Variants in NKAIN3 observed in about 807,000 individuals in gnomAD.
NKAIN3 encodes sodium/potassium-transporting ATPase subunit beta-1-interacting protein 3.
Under a neutral mutation model 30.2 loss-of-function variants are expected in NKAIN3, and 25 were observed. That is an observed-to-expected ratio of 0.83 (90% CI 0.60 to 1.16). The LOEUF (loss-of-function observed/expected upper bound fraction) is 1.16. NKAIN3 is among the 50% of genes most tolerant of loss of function. The probability of loss-of-function intolerance (pLI) is 0.00; values close to 1 mark genes in which losing one functional copy is unlikely to be tolerated. For synonymous variants in NKAIN3, 91 were observed against 89.6 expected (o/e 1.02, Z -0.09); for missense variants, 225 against 254.1 (o/e 0.89, Z 0.78).
intron 4 of NKAIN3, among the ~76,000 whole-genome samples, chr8:62,789,890 G>A (rs201067758): frequency 4.6e-5 from 7 of 152,042 alleles, no homozygotes; most frequent in East Asian, 1.9e-4. Context: ...GGTATAAGGA[G>A]GAACTGGTAC....
chr8:62,512,846 T>C (rs1221525628), intron 1 of NKAIN3, among the ~76,000 whole-genome samples: 1 of 152,158 alleles, frequency 6.6e-6, no homozygotes, highest in African/African-American at 2.4e-5. Flanking sequence ...GGAAATCTTT[T>C]ATTTATCATG....
chr8:62,318,218 C>A (rs1378826035), intron 1 of NKAIN3, among the ~76,000 whole-genome samples: 1 of 152,164 alleles, frequency 6.6e-6, no homozygotes, highest in Non-Finnish European at 1.5e-5. Flanking sequence ...ATCATGTCAT[C>A]TGCAAACAGG....
At chr8:62,816,179 C>A (rs1293732771) in intron 4 of NKAIN3, among the ~76,000 whole-genome samples, 1 of 152,160 alleles carries the variant, frequency 6.6e-6, no homozygotes, top group African/African-American at 2.4e-5. Context: ...GTAACTTTCT[C>A]AGGAAATACT....
chr8:62,803,205 T>A (rs1444939763), intron 4 of NKAIN3, among the ~76,000 whole-genome samples: 13 of 151,992 alleles, frequency 8.6e-5, no homozygotes, highest in African/African-American at 2.4e-5. Flanking sequence ...GACAGATCAA[T>A]GAGACAGAAA....
intron 3 of NKAIN3, among the ~76,000 whole-genome samples, chr8:62,642,789 C>T (rs562569807): frequency 1.3e-5 from 2 of 152,206 alleles, no homozygotes; most frequent in Non-Finnish European, 2.9e-5. Context: ...TTTATGTAGG[C>T]AGATTCCTCC....
chr8:62,582,027 C>T (rs71513483), intron 2 of NKAIN3, among the ~76,000 whole-genome samples: 19,943 of 40,250 alleles, frequency 0.5, 7,345 homozygotes, highest in Non-Finnish European at 0.68. Context: ...TTTCCTTCCT[C>T]CCTCCCACCC....
At chr8:62,580,056 A>G (rs969612883) in intron 2 of NKAIN3, among the ~76,000 whole-genome samples, 1 of 152,238 alleles carries the variant, frequency 6.6e-6, no homozygotes, top group Non-Finnish European at 1.5e-5. Context: ...GACATTTGTC[A>G]CTAACTCCAA....
chr8:62,883,796 C>T (rs1023440653), intron 4 of NKAIN3, among the ~76,000 whole-genome samples: 1 of 151,786 alleles, frequency 6.6e-6, no homozygotes, highest in Non-Finnish European at 1.5e-5. Context: ...TTAAATTGCT[C>T]TTCTTTTTCT....
chr8:62,715,000 C>T (rs1814848594), intron 3 of NKAIN3, among the ~76,000 whole-genome samples: 1 of 152,098 alleles, frequency 6.6e-6, no homozygotes, highest in African/African-American at 2.4e-5. Context: ...GCAGGCTGTA[C>T]AGATAGCATG....
chr8:62,289,939 C>G (rs1049889375), intron 1 of NKAIN3, among the ~76,000 whole-genome samples: 2 of 152,074 alleles, frequency 1.3e-5, no homozygotes, highest in African/African-American at 4.8e-5. Context: ...TTATAGTTCC[C>G]CTTGAAGAGG....
At chr8:62,497,168 G>A (rs1807268318) in intron 1 of NKAIN3, among the ~76,000 whole-genome samples, 1 of 151,844 alleles carries the variant, frequency 6.6e-6, no homozygotes, top group Non-Finnish European at 1.5e-5. Context: ...AATTTAAAAA[G>A]TATTTGATAT....
Position 62,630,750 on chromosome 8 carries a change from T to C in NKAIN3, c.273+40956T>C, listed in dbSNP as rs562123172. Among the ~76,000 whole-genome samples, 3 of 152,166 alleles carry C rather than the reference T, an allele frequency of 2.0e-5. No homozygotes were observed. The South Asian group carries it at 6.2e-4, about 32-fold the overall frequency. On this transcript the variant is annotated intron_variant, in intron 3 of 6. Coordinates refer to ENST00000623646, the MANE Select transcript of NKAIN3 (RefSeq NM_001304533.3). Reference sequence around the variant, plus strand: ...AGTTGTGAACTTCCTCAGCTTACCTTCTCTTTCTGAAAGCACTCCCTCTGT... The same window carrying C: ...AGTTGTGAACTTCCTCAGCTTACCTCCTCTTTCTGAAAGCACTCCCTCTGT...
At chr8:62,518,780 A>G (rs935312698) in intron 1 of NKAIN3, among the ~76,000 whole-genome samples, 3 of 152,194 alleles carry the variant, frequency 2.0e-5, no homozygotes, top group Admixed American at 6.5e-5. Flanking sequence ...TGAGGTGTTC[A>G]CAAATAATCT....
At position 62,505,322 on chromosome 8, in the gene NKAIN3, G is replaced by T. The variant is rs192660924; in HGVS notation, c.55-74217G>T. 2.0e-5 allele frequency among the ~76,000 whole-genome samples: 3 copies of T among 152,110 alleles called. No homozygotes were observed. The East Asian group carries it at 5.8e-4, about 29-fold the overall frequency. ...ACAAGACTGTTCTGGCTCCTACTCA[G>T]AAAAAAATTATGGGAAAATGTTATA... On this transcript the variant is annotated intron_variant, in intron 1 of 6. Transcript: ENST00000623646.
At chr8:62,363,833 A>G (rs951090995) in intron 1 of NKAIN3, among the ~76,000 whole-genome samples, 23 of 130,718 alleles carry the variant, frequency 1.8e-4, no homozygotes, top group African/African-American at 7.1e-4. Context: ...GACTAGCTCT[A>G]TTTGAAAGAA....
chr8:62,948,228 C>G (rs1280301968), intron 5 of NKAIN3, among the ~76,000 whole-genome samples: 1 of 151,268 alleles, frequency 6.6e-6, no homozygotes, highest in Non-Finnish European at 1.5e-5. Context: ...GACAGAGTCT[C>G]TCACTCTGTC....
intron 1 of NKAIN3, among the ~76,000 whole-genome samples, chr8:62,543,801 T>A (rs1251579612): frequency 1.3e-5 from 2 of 152,198 alleles, no homozygotes; most frequent in Non-Finnish European, 2.9e-5. Context: ...CCATTTTAGA[T>A]GTTTGGTAAA....
At chr8:62,273,924 A>G (rs560713814) in intron 1 of NKAIN3, among the ~76,000 whole-genome samples, 25 of 152,298 alleles carry the variant, frequency 1.6e-4, no homozygotes, top group African/African-American at 5.8e-4. Context: ...TTTCCTGAAG[A>G]CAATCTGGGC....
At chr8:62,990,101 C>A (rs867143554) in intron 5 of NKAIN3, 4 of 786,146 alleles carry the variant, frequency 5.1e-6, no homozygotes, top group East Asian at 2.9e-5. Context: ...TTCAGCAAAT[C>A]ATTTCAATCT....
Sources: gnomAD v4.1 joint callset for allele counts (sites outside exome capture counted in the v4.1 genomes callset) on GRCh38, gnomAD v4.1.1 for gene constraint, MANE v1.5 for transcripts, NCBI Gene and HGNC (gene_info 2026-07-23, HGNC 2026-07-21) for gene names.